The following CNTN5 variants were observed in gnomAD, a reference collection of about 807,000 sequenced individuals.
CNTN5 encodes contactin 5.
A neutral mutation model predicts 129.1 loss-of-function variants in CNTN5; 77 were observed. That is an observed-to-expected ratio of 0.60 (90% CI 0.50 to 0.72). The LOEUF is 0.72. Ranked by LOEUF, CNTN5 falls within the 30% of genes least tolerant of loss-of-function variation. CNTN5 has a pLI of 0.00. For missense variants in CNTN5, 1,478 were observed against 1,328.8 expected (o/e 1.11, Z -1.75); for synonymous variants, 509 against 465.6 (o/e 1.09, Z -1.20).
intron 3 of CNTN5, among the ~76,000 whole-genome samples, chr11:99,659,452 A>G (rs2135911275): frequency 6.6e-6 from 1 of 152,288 alleles, no homozygotes; most frequent in Admixed American, 6.5e-5. Context: ...ATATAAATAC[A>G]CTGCGTATCA....
At chr11:99,529,903 A>G (rs561211983) in intron 2 of CNTN5, among the ~76,000 whole-genome samples, 264 of 152,200 alleles carry the variant, frequency 1.7e-3, no homozygotes, top group Non-Finnish European at 2.3e-3. Context: ...AAACAAATAA[A>G]CAGTAAGCAA....
intron 8 of CNTN5, among the ~76,000 whole-genome samples, chr11:99,996,894 C>G (rs1939486687): frequency 1.3e-5 from 2 of 152,058 alleles, no homozygotes; most frequent in African/African-American, 2.4e-5. Context: ...AAACTGCCCC[C>G]ATGATTCAGT....
chr11:99,769,635 G>C (rs753452387), intron 3 of CNTN5, among the ~76,000 whole-genome samples: 4 of 151,978 alleles, frequency 2.6e-5, no homozygotes, highest in Non-Finnish European at 4.4e-5. Flanking sequence ...TGAAGAGTTG[G>C]AGAGCAGCCT....
Position 100,073,255 on chromosome 11 carries a change from C to T in CNTN5, c.1430-889C>T, listed in dbSNP as rs902759014. Among the ~76,000 whole-genome samples the T allele has an allele frequency of 1.3e-5, 2 of 151,990 alleles. 1 individual carries two copies. Among genetic ancestry groups the T allele is most frequent in the Admixed American group, 1.3e-4 (2 of 15,242 alleles). On this transcript the variant is annotated intron_variant, in intron 12 of 24. Transcript: ENST00000524871. ...AGAGATGGGGTTTCACCGTGTTGGC[C>T]AGGCTTGTCTTGTACTCCTAACCTC... is the stretch of plus-strand genomic sequence containing the variant.
chr11:100,235,738 T>C (rs949123574), intron 16 of CNTN5, among the ~76,000 whole-genome samples: 45 of 152,322 alleles, frequency 3.0e-4, no homozygotes, highest in African/African-American at 1.0e-3. Flanking sequence ...AAGGCTCTGC[T>C]AGCTTTAAGC....
chr11:99,091,797 A>T (rs932035707), intron 1 of CNTN5, among the ~76,000 whole-genome samples: 1 of 152,198 alleles, frequency 6.6e-6, no homozygotes, highest in Admixed American at 6.5e-5. Flanking sequence ...GCCATTTATG[A>T]TATAGAATAG....
intron 1 of CNTN5, among the ~76,000 whole-genome samples, chr11:99,322,959 A>T (rs1314772697): frequency 6.6e-6 from 1 of 152,170 alleles, no homozygotes; most frequent in Non-Finnish European, 1.5e-5. Context: ...GTTGTGAAAT[A>T]ATAAGACAAC....
chr11:100,193,807 TTTATG>T (rs1031183839), intron 15 of CNTN5, 144 bp downstream of exon 15: 6 of 671,632 alleles, frequency 8.9e-6, no homozygotes, highest in African/African-American at 5.7e-5. Context: ...CTGCCATTAT[TTTATG>T]TTATGTCAAA....
intron 7 of CNTN5, among the ~76,000 whole-genome samples, chr11:99,950,554 A>G (rs1565711922): frequency 3.9e-5 from 6 of 152,198 alleles, no homozygotes. Flanking sequence ...GCTTTATTCT[A>G]TTGTAACTTT....
intron 3 of CNTN5, among the ~76,000 whole-genome samples, chr11:99,727,034 C>T (rs1389943983): frequency 5.9e-5 from 9 of 151,476 alleles, no homozygotes; most frequent in African/African-American, 1.5e-4. Context: ...TGGCCGGGCG[C>T]GGTGGCTCAC....
intron 13 of CNTN5, among the ~76,000 whole-genome samples, chr11:100,075,794 G>C (rs760771688): frequency 3.9e-5 from 6 of 152,070 alleles, no homozygotes; most frequent in Non-Finnish European, 8.8e-5. Flanking sequence ...ATCTGCCTTG[G>C]GGGAGAGAAT....
At chr11:99,960,198 T>A (rs1279962425) in intron 8 of CNTN5, among the ~76,000 whole-genome samples, 1 of 152,226 alleles carries the variant, frequency 6.6e-6, no homozygotes, top group Non-Finnish European at 1.5e-5. Context: ...CATTTTAATA[T>A]GCATTTTTAA....
intron 2 of CNTN5, among the ~76,000 whole-genome samples, chr11:99,335,655 A>G (rs1866188474): frequency 6.6e-6 from 1 of 152,086 alleles, no homozygotes; most frequent in South Asian, 2.1e-4. Flanking sequence ...TTCATACAAA[A>G]CATACCTCAG....
At chr11:100,146,514 C>G (rs1591313051) in intron 13 of CNTN5, among the ~76,000 whole-genome samples, 1 of 151,994 alleles carries the variant, frequency 6.6e-6, no homozygotes, top group Non-Finnish European at 1.5e-5. Context: ...TCTTAAGAAA[C>G]ATTCTCTCAT....
intron 1 of CNTN5, among the ~76,000 whole-genome samples, chr11:99,214,943 T>C (rs1210074517): frequency 1.3e-5 from 2 of 152,102 alleles, no homozygotes; most frequent in East Asian, 1.9e-4. Context: ...AGTAAGTCTA[T>C]GATTAGACTC....
At chr11:100,276,527 C>CAAA (rs56774234) in intron 18 of CNTN5, among the ~76,000 whole-genome samples, 3 of 70,080 alleles carry the variant, frequency 4.3e-5, no homozygotes, top group Non-Finnish European at 8.0e-5. Context: ...GAGACTCTCT[C>CAAA]AAAAAAAAAA....
intron 1 of CNTN5, among the ~76,000 whole-genome samples, chr11:99,247,730 T>C (rs966440080): frequency 2.0e-5 from 3 of 152,168 alleles, no homozygotes; most frequent in African/African-American, 4.8e-5. Context: ...TTTGTCCTTG[T>C]GATAGTTTGC....
intron 2 of CNTN5, among the ~76,000 whole-genome samples, chr11:99,533,273 T>C (rs536690946): frequency 1.8e-4 from 27 of 152,178 alleles, no homozygotes; most frequent in African/African-American, 6.5e-4. Context: ...CAAAACCCAG[T>C]TGGTAAAGTG....
intron 1 of CNTN5, among the ~76,000 whole-genome samples, chr11:99,188,176 T>C (rs1237821376): frequency 1.3e-5 from 2 of 151,874 alleles, no homozygotes; most frequent in African/African-American, 4.8e-5. Context: ...GTCCAACTAG[T>C]CCTTTGATGG....
Sources: allele counts gnomAD v4.1 joint callset (sites outside exome capture counted in the v4.1 genomes callset), GRCh38; gene constraint gnomAD v4.1.1; transcripts MANE v1.5; gene names NCBI Gene and HGNC (gene_info 2026-07-23, HGNC 2026-07-21).